The following PROX1 variants were observed in gnomAD, a reference collection of about 807,000 sequenced individuals.
The protein encoded by PROX1 is prospero homeobox protein 1.
PROX1 carries 7 observed loss-of-function variants against 58.8 expected under a neutral mutation model. That is an observed-to-expected ratio of 0.12 (90% confidence interval 0.07 to 0.22). The LOEUF is 0.22. PROX1 is among the 10% of genes least tolerant of loss of function. PROX1 has a pLI of 1.00. For synonymous variants in PROX1, 350 were observed against 358.3 expected, an observed-to-expected ratio of 0.98 and a Z score of 0.26; for missense variants, 675 against 927.8, an observed-to-expected ratio of 0.73 and a Z score of 3.54.
At chr1:213,986,087 A>T (rs537723944), upstream of PROX1, 6 of 152,360 alleles carry the variant, frequency 3.9e-5, no homozygotes, top group South Asian at 1.2e-3. Context: ...GACCCAACCA[A>T]TAGAAGCATT....
At chr1:214,015,049 G>T (rs1481646402) in intron 4 of PROX1, among the ~76,000 whole-genome samples, 1 of 152,174 alleles carries the variant, frequency 6.6e-6, no homozygotes, top group Non-Finnish European at 1.5e-5. Context: ...CTTCTAAGTG[G>T]CAGTAGAGCT....
At chr1:214,014,249 A>G (rs866433120) in intron 4 of PROX1, among the ~76,000 whole-genome samples, 4 of 152,230 alleles carry the variant, frequency 2.6e-5, no homozygotes, top group African/African-American at 9.6e-5. Context: ...TACTGTGTGC[A>G]CGGCTTTACT....
chr1:214,018,303 T>C (rs188234505), intron 4 of PROX1, among the ~76,000 whole-genome samples: 110 of 152,370 alleles, frequency 7.2e-4, no homozygotes, highest in African/African-American at 2.4e-3. Flanking sequence ...AATATTAATT[T>C]ACAATAATAC....
Position 213,997,031 on chromosome 1 carries a change from C to A in PROX1, c.496C>A (p.Arg166Ser). ...RLCDEHLRAK[R>S]ARVENIIRGM... Reference sequence around the variant, plus strand: ...ATGTGATGAGCACCTGAGAGCAAAGCGCGCCCGGGTTGAGAATATAATTCG... The same window carrying A: ...ATGTGATGAGCACCTGAGAGCAAAGAGCGCCCGGGTTGAGAATATAATTCG... The change falls in exon 2 of 5, where the codon CGC becomes AGC. Residue 166 changes from arginine to serine, a missense_variant. Arg to Ser is a moderately radical substitution (Grantham distance 110). Transcript: ENST00000366958. The surrounding 1 kb of genome is among the most constrained non-coding windows in gnomAD (Gnocchi z 7.1). The A allele has an allele frequency of 6.2e-7, 1 of 1,613,998 alleles. No individual in the cohort carries two copies. Among genetic ancestry groups the A allele is most frequent in the Non-Finnish European group, 8.5e-7 (1 of 1,180,022 alleles).
At chr1:214,023,684 G>A (rs1157096172) in intron 4 of PROX1, among the ~76,000 whole-genome samples, 2 of 152,280 alleles carry the variant, frequency 1.3e-5, no homozygotes, top group East Asian at 3.9e-4. Flanking sequence ...GTGAGAGTTT[G>A]TGGTTGGGAG....
intron 1 of PROX1, among the ~76,000 whole-genome samples, chr1:213,994,439 C>T (rs1663151532): frequency 6.6e-6 from 1 of 151,976 alleles, no homozygotes; most frequent in Non-Finnish European, 1.5e-5. Flanking sequence ...GTAACCGCCC[C>T]CCATGCAAGT....
chr1:214,002,521 A>G (rs368222083), intron 2 of PROX1, among the ~76,000 whole-genome samples: 20 of 150,724 alleles, frequency 1.3e-4, no homozygotes, highest in African/African-American at 3.4e-4. Context: ...AGCTATGGCT[A>G]AGAGAATTGA....
chr1:213,987,707 G>C (rs1238578279), upstream of PROX1: 1 of 145,076 alleles, frequency 6.9e-6, no homozygotes. Context: ...GTGGCAGGGT[G>C]GGGGTGGGGG....
At chr1:214,020,335 G>A (rs554899085) in intron 4 of PROX1, among the ~76,000 whole-genome samples, 1 of 152,202 alleles carries the variant, frequency 6.6e-6, no homozygotes, top group Non-Finnish European at 1.5e-5. Context: ...ATGCCTCGCT[G>A]TGCACGTTAC....
chr1:213,989,941 T>C (rs1012487746), intron 1 of PROX1, among the ~76,000 whole-genome samples: 1 of 151,970 alleles, frequency 6.6e-6, no homozygotes, highest in Non-Finnish European at 1.5e-5. Flanking sequence ...CTGCTGTTCT[T>C]GGCAACCCAG....
chr1:213,991,528 G>A (rs1663037263), intron 1 of PROX1, among the ~76,000 whole-genome samples: 1 of 152,018 alleles, frequency 6.6e-6, no homozygotes, highest in Admixed American at 6.6e-5. Context: ...TTTTAATAGG[G>A]GTTATCTGTG....
At chr1:214,019,736 G>A (rs1319009033) in intron 4 of PROX1, among the ~76,000 whole-genome samples, 2 of 152,174 alleles carry the variant, frequency 1.3e-5, no homozygotes, top group Non-Finnish European at 2.9e-5. Flanking sequence ...CATCTGCAGA[G>A]CCCAAGCACA....
rs1028804447 is a variant in PROX1, at chr1:214,038,724, G to A, written c.*2890G>A. ...TGTTCTTGTGCCTTCTGTGGCTTTC[G>A]ATTTCATCTTTTTGACTTTATTTCC... On this transcript the variant is annotated 3_prime_UTR_variant, in exon 5 of 5. Coordinates refer to ENST00000366958, the MANE Select transcript of PROX1 (RefSeq NM_001270616.2). The A allele has an allele frequency of 6.6e-5, 10 of 152,054 alleles. No individual in the cohort carries two copies. Among genetic ancestry groups the A allele is most frequent in the African/African-American group, 1.9e-4 (8 of 41,404 alleles). 9.4% of individuals were successfully genotyped at this position (152,054 alleles called of 1,614,324 possible).
At chr1:214,010,712 G>A (rs866444447) in intron 3 of PROX1, among the ~76,000 whole-genome samples, 1 of 152,162 alleles carries the variant, frequency 6.6e-6, no homozygotes, top group South Asian at 2.1e-4. Context: ...GGAAACCTTG[G>A]TAAACAAAGT....
In PROX1 at chr1:214,011,855, G is replaced by C. The variant is rs1663921245; in HGVS notation, c.2028+140G>C. The C allele has an allele frequency of 6.4e-6, 4 of 621,108 alleles. No homozygotes were observed. In the East Asian group the frequency reaches 1.2e-4, roughly 19 times the overall value. 38.5% of individuals were successfully genotyped at this position (621,108 alleles called of 1,614,324 possible). A position where few individuals can be genotyped will look rare whatever the true frequency, so the allele number is the denominator to read the frequency against. The stretch of plus-strand genomic sequence containing the variant: ...CCAATAGAGTAACAGGTAGAGCTGT[G>C]ATGAGGAGCTTCCATAGTCCCCATT... On this transcript the variant is annotated intron_variant, in intron 4 of 4. Transcript: ENST00000366958.
chr1:214,012,003 C>G (rs142187817), intron 4 of PROX1, among the ~76,000 whole-genome samples: 2 of 152,290 alleles, frequency 1.3e-5, no homozygotes, highest in Non-Finnish European at 2.9e-5. Flanking sequence ...TGGCAGCAAG[C>G]AGCAAAGACA....
At position 214,005,584 on chromosome 1, in the gene PROX1, G is replaced by A. The variant is rs144292221; in HGVS notation, c.1833+312G>A. Among the ~76,000 whole-genome samples the A allele has an allele frequency of 3.3e-5, 5 of 152,302 alleles. No homozygotes were observed. In the East Asian group the frequency reaches 9.6e-4, roughly 29 times the overall value. ...GCTGGTAATGGATGGGTGTGCTTTA[G>A]AGAATGTTTTTTCCCTCCCCTCAGC... On this transcript the variant is annotated intron_variant, in intron 3 of 4. Transcript: ENST00000366958.
intron 1 of PROX1, among the ~76,000 whole-genome samples, chr1:213,993,426 A>G (rs181669127): frequency 2.0e-4 from 31 of 152,366 alleles, no homozygotes; most frequent in African/African-American, 7.5e-4. Context: ...AGTTTAAAAA[A>G]TATCAATGAT....
chr1:214,014,330 G>A (rs1248747073), intron 4 of PROX1, among the ~76,000 whole-genome samples: 2 of 152,208 alleles, frequency 1.3e-5, no homozygotes, highest in Non-Finnish European at 2.9e-5. Flanking sequence ...CAAGTGAAGA[G>A]GATGGCAAAA....
Sources: allele counts gnomAD v4.1 joint callset (sites outside exome capture counted in the v4.1 genomes callset), GRCh38; gene constraint gnomAD v4.1.1; non-coding constraint Gnocchi (gnomAD v3.1); transcripts MANE v1.5; gene names NCBI Gene and HGNC (gene_info 2026-07-23, HGNC 2026-07-21).